Variants in RIT1 observed in about 807,000 individuals in gnomAD.
The protein encoded by RIT1 is Ras like without CAAX 1.
RIT1 carries 6 observed loss-of-function variants against 25.6 expected under a neutral mutation model. The observed-to-expected ratio is 0.23, with a 90% CI of 0.13 to 0.46. RIT1 has a LOEUF of 0.46. RIT1 is among the 20% of genes least tolerant of loss of function. The pLI is 0.99. For synonymous variants in RIT1, 81 were observed against 94.1 expected, an observed-to-expected ratio of 0.86 and a Z score of 0.80; for missense variants, 219 against 284.4, an observed-to-expected ratio of 0.77 and a Z score of 1.65.
intron 1 of RIT1, 128 bp downstream of exon 1, chr1:155,911,115 G>A: frequency 1.7e-6 from 1 of 590,078 alleles, no homozygotes; most frequent in Non-Finnish European, 2.9e-6. Context: ...AAAGGGATGC[G>A]GCCCCTTAGG....
At chr1:155,905,019 A>G (rs1012515369) in intron 3 of RIT1, among the ~76,000 whole-genome samples, 1 of 152,192 alleles carries the variant, frequency 6.6e-6, no homozygotes, top group Non-Finnish European at 1.5e-5. Context: ...TCACAGCTGA[A>G]GATTTCACCT....
At position 155,910,798 on chromosome 1, in the gene RIT1, A is replaced by C. The variant is rs1419646668; in HGVS notation, c.-37T>G. ...GGCCTTCCTCGGTTGCCCCGAGGAA[A>C]AGCCACCTAGAAAAGGAGGAGGAAA... On this transcript the variant is annotated 5_prime_UTR_variant, in exon 2 of 6. Coordinates refer to ENST00000368323, the MANE Select transcript of RIT1 (RefSeq NM_006912.6). 6.2e-7 allele frequency: 1 copy of C among 1,613,966 alleles called. No homozygotes were observed. The highest frequency in any genetic ancestry group is 8.5e-7 in the Non-Finnish European group (1 of 1,179,990).
intron 3 of RIT1, among the ~76,000 whole-genome samples, chr1:155,906,796 A>G (rs564082349): frequency 6.6e-6 from 1 of 151,634 alleles, no homozygotes; most frequent in East Asian, 1.9e-4. Flanking sequence ...AAAAAAAGAA[A>G]AAAAAAGAAA....
rs1402172289 is a variant in RIT1, at chr1:155,898,996, C to G, written c.*1392G>C. 4.7e-6 allele frequency: 1 copy of G among 212,614 alleles called. No homozygotes were observed. Among genetic ancestry groups the G allele is most frequent in the Non-Finnish European group, 9.5e-6 (1 of 104,966 alleles). 13.2% of individuals were successfully genotyped at this position (212,614 alleles called of 1,614,324 possible). On this transcript the variant is annotated 3_prime_UTR_variant, in exon 6 of 6. Coordinates refer to ENST00000368323, the MANE Select transcript of RIT1 (RefSeq NM_006912.6). ...ACACAAGTCATCTTACGTTTCTAGT[C>G]AACACAAACATTGCTTCAGTGACAC...
intron 5 of RIT1, among the ~76,000 whole-genome samples, chr1:155,903,294 C>CA (rs912574521): frequency 4.3e-5 from 6 of 138,142 alleles, no homozygotes; most frequent in African/African-American, 8.1e-5. Flanking sequence ...GACTCCGTCT[C>CA]AAAAAAAAAT....
intron 3 of RIT1, among the ~76,000 whole-genome samples, chr1:155,907,980 C>T (rs1455178716): frequency 3.3e-5 from 5 of 151,628 alleles, no homozygotes; most frequent in South Asian, 2.1e-4. Context: ...GTCCCAGCTA[C>T]GCTGGAGCCT....
chr1:155,908,197 T>A (rs1020853719), intron 3 of RIT1, among the ~76,000 whole-genome samples: 25 of 151,650 alleles, frequency 1.6e-4, no homozygotes, highest in Admixed American at 3.9e-4. Flanking sequence ...GGCTCACGCC[T>A]GTAATCCCAG....
intron 1 of RIT1, 84 bp downstream of exon 1, chr1:155,911,159 A>T: frequency 1.9e-6 from 1 of 538,826 alleles, no homozygotes; most frequent in Non-Finnish European, 3.3e-6. Context: ...CGGTACCCAG[A>T]GGTTCCGCCC....
chr1:155,899,702 T>C lies in RIT1; in HGVS notation c.*686A>G, dbSNP rs571602570. ...AAAATAAGGTTCCCAGGAGAAACCT[T>C]CATCACATTTTATGCTTCTGGCTGT... On this transcript the variant is annotated 3_prime_UTR_variant, in exon 6 of 6. Transcript: ENST00000368323. The C allele has an allele frequency of 2.0e-4, 46 of 225,724 alleles. No homozygotes were observed. The East Asian group carries it at 2.8e-3, about 14-fold the overall frequency. 14.0% of individuals were successfully genotyped at this position (225,724 alleles called of 1,614,324 possible).
intron 1 of RIT1, 52 bp from the exon 2 acceptor site, chr1:155,910,856 A>AG: frequency 6.3e-7 from 1 of 1,595,298 alleles, no homozygotes; most frequent in Non-Finnish European, 8.5e-7. Flanking sequence ...CCACGGCGAC[A>AG]GCCCTCAAGC....
At chr1:155,903,764 T>C (rs954193160) in intron 5 of RIT1, among the ~76,000 whole-genome samples, 1 of 152,116 alleles carries the variant, frequency 6.6e-6, no homozygotes, top group Non-Finnish European at 1.5e-5. Flanking sequence ...ATCCCAACAC[T>C]TTGGGAGGCC....
intron 3 of RIT1, among the ~76,000 whole-genome samples, chr1:155,907,640 A>G (rs1177313504): frequency 6.6e-6 from 1 of 152,266 alleles, no homozygotes; most frequent in Non-Finnish European, 1.5e-5. Flanking sequence ...GCACTAAATT[A>G]GAAACTCAAG....
chr1:155,900,786 T>C (rs1290401235), intron 5 of RIT1, among the ~76,000 whole-genome samples, 168 bp from the exon 6 acceptor site: 1 of 152,242 alleles, frequency 6.6e-6, no homozygotes, highest in African/African-American at 2.4e-5. Context: ...TAAGGTTTCT[T>C]ATTCTGCCTT....
At chr1:155,910,238 G>A (rs567411766) in intron 3 of RIT1, 60 of 562,274 alleles carry the variant, frequency 1.1e-4, no homozygotes, top group Non-Finnish European at 1.2e-4. Context: ...TTAATGTTCA[G>A]TAAGAGACAA....
Position 155,900,164 on chromosome 1 carries a change from A to C in RIT1, c.*224T>G, listed in dbSNP as rs1233328326. 1.9e-6 allele frequency: 1 copy of C among 515,642 alleles called. No individual in the cohort carries two copies. The highest frequency in any genetic ancestry group is 3.4e-6 in the Non-Finnish European group (1 of 291,726). The allele number at this position is 515,642 out of a possible 1,614,324, so 31.9% of individuals were successfully genotyped here. On this transcript the variant is annotated 3_prime_UTR_variant, in exon 6 of 6. Coordinates refer to ENST00000368323, the MANE Select transcript of RIT1 (RefSeq NM_006912.6). ...ACAGAACCCAAAACATTGGTAGAAC[A>C]AATTCTAATGTGACAATTTAAAAGC... is the stretch of plus-strand genomic sequence containing the variant.
At position 155,898,834 on chromosome 1, in the gene RIT1, G is replaced by A. The variant is rs2282301; in HGVS notation, c.*1554C>T. On this transcript the variant is annotated 3_prime_UTR_variant, in exon 6 of 6. Transcript: ENST00000368323. ...GTTTAAAAAGGGACCACTACTCAGAGCTAAAAAAGTTCTAACAGTCACTTT... is the reference window on the plus strand; with the variant it reads ...GTTTAAAAAGGGACCACTACTCAGAACTAAAAAAGTTCTAACAGTCACTTT... 0.3 allele frequency: 58,261 copies of A among 191,540 alleles called. 10,420 individuals carry two copies. The highest frequency in any genetic ancestry group is 0.75 in the East Asian group (9,028 of 12,034). 11.9% of individuals were successfully genotyped at this position (191,540 alleles called of 1,614,324 possible). A position where few individuals can be genotyped will look rare whatever the true frequency, so the allele number is the denominator to read the frequency against.
Position 155,900,413 on chromosome 1 carries a change from C to T in RIT1, c.635G>A (p.Arg212Gln), listed in dbSNP as rs764347644. 54 of 1,613,760 alleles carry T rather than the reference C, an allele frequency of 3.3e-5. No homozygotes were observed. The highest frequency in any genetic ancestry group is 3.2e-4 in the South Asian group (29 of 91,076). ...SVWKRLKSPF[R>Q]KKKDSVT Reference sequence around the variant, plus strand: ...TCAAGTTACTGAATCTTTCTTCTTCCGGAATGGTGATTTTAGCCTCTTCCA... The same window carrying T: ...TCAAGTTACTGAATCTTTCTTCTTCTGGAATGGTGATTTTAGCCTCTTCCA... Residue 212 changes from arginine (R) to glutamine (Q), a missense_variant, in exon 6 of 6, where the codon CGG becomes CAG. This residue lies in a region of RIT1 where 81 missense variants were observed against 83.8 expected (regional missense o/e 0.97). Transcript: ENST00000368323.
At chr1:155,908,503 C>G (rs12144993) in intron 3 of RIT1, among the ~76,000 whole-genome samples, 1 of 150,866 alleles carries the variant, frequency 6.6e-6, no homozygotes. Flanking sequence ...AGTACATATG[C>G]GTAAGCCCTA....
chr1:155,899,456 AC>A lies in RIT1; in HGVS notation c.*931del, dbSNP rs1311830950. On this transcript the variant is annotated 3_prime_UTR_variant, in exon 6 of 6. Coordinates refer to ENST00000368323, the MANE Select transcript of RIT1 (RefSeq NM_006912.6). The stretch of plus-strand genomic sequence containing the variant: ...CAATCAGTGATGAAGGGCCGAAAAA[AC>A]ATCTTGCCAGCTGTAGCTCTTTTAC... The A allele has an allele frequency of 1.3e-5, 3 of 225,378 alleles. No homozygotes were observed. Among genetic ancestry groups the A allele is most frequent in the Non-Finnish European group, 2.7e-5 (3 of 112,902 alleles). The allele number at this position is 225,378 out of a possible 1,614,324, so 14.0% of individuals were successfully genotyped here.
Sources: gnomAD v4.1 joint callset for allele counts (sites outside exome capture counted in the v4.1 genomes callset) on GRCh38, gnomAD v4.1.1 for gene constraint, gnomAD v4.1.1 regional missense constraint, MANE v1.5 for transcripts, NCBI Gene and HGNC (gene_info 2026-07-23, HGNC 2026-07-21) for gene names.